ARMC2: variants seen among roughly 807,000 people sequenced by gnomAD.
The protein encoded by ARMC2 is armadillo repeat containing 2, also known as armadillo repeat-containing protein 2.
ARMC2 carries 67 observed loss-of-function variants against 90.3 expected under a neutral mutation model. That is an observed-to-expected ratio of 0.74 (90% CI 0.61 to 0.91). The LOEUF (loss-of-function observed/expected upper bound fraction) is 0.91, where lower values mean the gene tolerates loss of function less well. Ranked by LOEUF, ARMC2 falls within the 40% of genes least tolerant of loss-of-function variation. The pLI is 0.00. For missense variants in ARMC2, 920 were observed against 1,030.9 expected, an observed-to-expected ratio of 0.89 and a Z score of 1.47; for synonymous variants, 393 against 393.0, an observed-to-expected ratio of 1.00 and a Z score of 0.00.
At chr6:108,890,278 A>G (rs1770874755) in intron 5 of ARMC2, among the ~76,000 whole-genome samples, 1 of 148,810 alleles carries the variant, frequency 6.7e-6, no homozygotes, top group African/African-American at 2.5e-5. Context: ...CATCAGGGCA[A>G]TGCCATGCAC....
chr6:108,864,253 CT>C (rs67415721), intron 3 of ARMC2, among the ~76,000 whole-genome samples: 30 of 136,860 alleles, frequency 2.2e-4, no homozygotes, highest in Admixed American at 3.8e-4. Flanking sequence ...TTTTTCTTTT[CT>C]TTTTTTTTTT....
chr6:109,030,465 G>C, the ARMC2 span, among the ~76,000 whole-genome samples: 1 of 152,164 alleles, frequency 6.6e-6, no homozygotes, highest in Non-Finnish European at 1.5e-5. Flanking sequence ...TGTATCAATA[G>C]ATGAGGCACC....
chr6:108,870,352 A>G (rs1229167795), intron 4 of ARMC2, among the ~76,000 whole-genome samples: 1 of 152,154 alleles, frequency 6.6e-6, no homozygotes, highest in Non-Finnish European at 1.5e-5. Context: ...TGCAGCCACA[A>G]TGGGGCATGA....
At chr6:108,913,550 A>G (rs1328112713) in intron 10 of ARMC2, among the ~76,000 whole-genome samples, 1 of 152,184 alleles carries the variant, frequency 6.6e-6, no homozygotes, top group African/African-American at 2.4e-5. Context: ...TTTTTCCCTC[A>G]ATGAAAATAG....
At chr6:108,964,848 A>G in intron 16 of ARMC2, 132 bp from the exon 17 acceptor site, 1 of 700,602 alleles carries the variant, frequency 1.4e-6, no homozygotes, top group Non-Finnish European at 2.4e-6. Context: ...AAATTTATAG[A>G]TAAGGAATTA....
At chr6:108,855,823 T>G (rs940654403) in intron 2 of ARMC2, among the ~76,000 whole-genome samples, 1 of 152,192 alleles carries the variant, frequency 6.6e-6, no homozygotes, top group Non-Finnish European at 1.5e-5. Flanking sequence ...GTGGAGCATC[T>G]TTTTATATAC....
intron 12 of ARMC2, 88 bp downstream of exon 12, chr6:108,937,087 T>C (rs1242734077): frequency 2.6e-6 from 3 of 1,166,306 alleles, no homozygotes; most frequent in South Asian, 1.5e-5. Flanking sequence ...ATGTTTTGAG[T>C]ATATAGGTTT....
the ARMC2 span, among the ~76,000 whole-genome samples, chr6:109,031,104 A>G: frequency 6.6e-6 from 1 of 152,222 alleles, no homozygotes; most frequent in Non-Finnish European, 1.5e-5. Context: ...TAAAGGCTTA[A>G]AAGATGGGTA....
chr6:109,009,911 G>T, the ARMC2 span, among the ~76,000 whole-genome samples: 1 of 152,036 alleles, frequency 6.6e-6, no homozygotes, highest in Non-Finnish European at 1.5e-5. Flanking sequence ...AGCCAACCTC[G>T]AGACTGATTC....
At chr6:109,009,748 C>T in the ARMC2 span, among the ~76,000 whole-genome samples, 23 of 152,218 alleles carry the variant, frequency 1.5e-4, no homozygotes, top group African/African-American at 4.6e-4. Flanking sequence ...AGGTTCCCCA[C>T]GAACAGCTAA....
chr6:108,993,749 T>C, the ARMC2 span, among the ~76,000 whole-genome samples: 7 of 151,984 alleles, frequency 4.6e-5, no homozygotes, highest in African/African-American at 1.7e-4. Flanking sequence ...TAATTTTTGT[T>C]GTTGTTTTTT....
intron 12 of ARMC2, among the ~76,000 whole-genome samples, chr6:108,945,182 CGAA>C (rs1182739583): frequency 1.3e-5 from 2 of 151,938 alleles, no homozygotes; most frequent in African/African-American, 2.4e-5. Context: ...GGCTTAATAA[CGAA>C]GGAGGGAGTG....
chr6:108,929,098 T>C (rs899665677), intron 11 of ARMC2, among the ~76,000 whole-genome samples: 4 of 152,162 alleles, frequency 2.6e-5, no homozygotes, highest in African/African-American at 7.2e-5. Context: ...GCAGTAAGCA[T>C]AGTACCCAAC....
intron 2 of ARMC2, among the ~76,000 whole-genome samples, chr6:108,857,766 A>C (rs2848603): frequency 0.78 from 118,890 of 152,004 alleles, 46,765 homozygotes; most frequent in South Asian, 0.85. Flanking sequence ...CTTGTATTTT[A>C]TGTATCTTCT....
the ARMC2 span, among the ~76,000 whole-genome samples, chr6:109,046,703 G>C: frequency 2.4e-5 from 3 of 126,148 alleles, no homozygotes; most frequent in East Asian, 2.4e-4. Flanking sequence ...GCCGCCCATC[G>C]TCTGAGATGT....
At chr6:109,007,785 CTTTT>C in the ARMC2 span, among the ~76,000 whole-genome samples, 1,370 of 103,338 alleles carry the variant, frequency 0.013, 12 homozygotes, top group African/African-American at 0.044. Context: ...AGTCCAGGTA[CTTTT>C]TTTTTTTTTT....
In ARMC2 at chr6:108,931,898, G is replaced by A. The variant is rs1775590948; in HGVS notation, c.1496+3665G>A. On this transcript the variant is annotated intron_variant, in intron 11 of 17. Coordinates refer to ENST00000392644, the MANE Select transcript of ARMC2 (RefSeq NM_032131.6). Reference sequence around the variant, plus strand: ...CCTGCCTCAGCCTCCCAAGTAGCTGGGATTACAGGCATGCACCACCATACC... The same window carrying A: ...CCTGCCTCAGCCTCCCAAGTAGCTGAGATTACAGGCATGCACCACCATACC... 2.6e-5 allele frequency among the ~76,000 whole-genome samples: 4 copies of A among 151,850 alleles called. No individual in the cohort carries two copies. In the South Asian group the frequency reaches 8.3e-4, roughly 32 times the overall value.
At position 108,876,154 on chromosome 6, in the gene ARMC2, G is replaced by A. The variant is rs1776908648; in HGVS notation, c.475G>A (p.Val159Met). Residue 159 changes from valine (V) to methionine (M), a missense_variant, in exon 5 of 18, where the codon GTG (valine) becomes ATG (methionine). Transcript: ENST00000392644. ...SLPPSDSKKT[V>M]ESKETVMMGD... ...TGGTTATATTGCAGCAAAGAAGACA[G>A]TGGAATCCAAAGAAACAGTTATGAT... 6.8e-6 allele frequency: 11 copies of A among 1,607,938 alleles called. No homozygotes were observed. Among genetic ancestry groups the A allele is most frequent in the Admixed American group, 1.7e-5 (1 of 58,772 alleles).
chr6:108,869,622 TAATG>T (rs1240836013), intron 4 of ARMC2, among the ~76,000 whole-genome samples: 1 of 152,252 alleles, frequency 6.6e-6, no homozygotes, highest in African/African-American at 2.4e-5. Context: ...TATTAGAAAT[TAATG>T]AAAATGATAA....
Sources: allele counts gnomAD v4.1 joint callset (sites outside exome capture counted in the v4.1 genomes callset), GRCh38; gene constraint gnomAD v4.1.1; transcripts MANE v1.5; gene names NCBI Gene and HGNC (gene_info 2026-07-23, HGNC 2026-07-21).